YES1: variants seen among roughly 807,000 people sequenced by gnomAD.
YES1 encodes the protein tyrosine-protein kinase Yes.
Under a neutral mutation model 70.4 loss-of-function variants are expected in YES1, and 39 were observed. That is an observed-to-expected ratio of 0.55 (90% CI 0.43 to 0.72). YES1 has a LOEUF of 0.72. Among genes scored for constraint, YES1 ranks in the 30% least tolerant of loss-of-function variants. The pLI is 0.00. For synonymous variants in YES1, 198 were observed against 218.6 expected, an observed-to-expected ratio of 0.91 and a Z score of 0.83; for missense variants, 495 against 644.8, an observed-to-expected ratio of 0.77 and a Z score of 2.52.
intron 1 of YES1, among the ~76,000 whole-genome samples, chr18:786,605 T>C (rs779234636): frequency 2.0e-5 from 3 of 151,760 alleles, no homozygotes; most frequent in Non-Finnish European, 4.4e-5. Context: ...TAATACCATA[T>C]CAGTTCAGGG....
At chr18:797,367 C>T (rs1172306279) in intron 1 of YES1, among the ~76,000 whole-genome samples, 2 of 151,942 alleles carry the variant, frequency 1.3e-5, no homozygotes, top group African/African-American at 4.8e-5. Flanking sequence ...AGCTTTAAAC[C>T]TGCTAACATC....
At position 744,043 on chromosome 18, in the gene YES1, CTAAA is replaced by C. The variant is rs558231390; in HGVS notation, c.725-632_725-629del. Among the ~76,000 whole-genome samples the C allele has an allele frequency of 4.5e-3, 677 of 148,842 alleles. 5 individuals carry two copies. Among genetic ancestry groups the C allele is most frequent in the African/African-American group, 0.014 (575 of 40,810 alleles). Reference sequence around the variant, plus strand: ...TATAGTAGATATGTTAGTATATTTACTAAATACTTAGTATAACTTAAAATATATA... The same window carrying C: ...TATAGTAGATATGTTAGTATATTTACTACTTAGTATAACTTAAAATATATA... On this transcript the variant is annotated intron_variant, in intron 6 of 11. Coordinates refer to ENST00000314574, the MANE Select transcript of YES1 (RefSeq NM_005433.4).
At chr18:740,244 T>G (rs1418750389) in intron 8 of YES1, among the ~76,000 whole-genome samples, 1 of 152,212 alleles carries the variant, frequency 6.6e-6, no homozygotes, top group East Asian at 1.9e-4. Context: ...GCTCTCTCTC[T>G]GAAAACTACA....
intron 1 of YES1, among the ~76,000 whole-genome samples, chr18:800,067 T>G (rs541212215): frequency 2.6e-5 from 4 of 152,208 alleles, no homozygotes; most frequent in Non-Finnish European, 5.9e-5. Flanking sequence ...AGTTTCTCCA[T>G]CAGACTCAAG....
At chr18:775,646 A>C (rs897657872) in intron 1 of YES1, among the ~76,000 whole-genome samples, 3 of 152,038 alleles carry the variant, frequency 2.0e-5, no homozygotes, top group African/African-American at 7.3e-5. Flanking sequence ...AAAGTAAAAA[A>C]ATTGGCTGAA....
intron 10 of YES1, chr18:736,336 G>C (rs1326501996): frequency 8.4e-6 from 1 of 118,628 alleles, no homozygotes; most frequent in Non-Finnish European, 1.7e-5. Context: ...GTGGGGGGAA[G>C]GGGGGGTTTG....
intron 1 of YES1, among the ~76,000 whole-genome samples, chr18:787,070 T>C (rs1233568766): frequency 1.4e-5 from 2 of 142,220 alleles, no homozygotes; most frequent in African/African-American, 5.1e-5. Flanking sequence ...AAAACTGTGA[T>C]ACATACTGTC....
intron 1 of YES1, among the ~76,000 whole-genome samples, chr18:788,701 C>T (rs1906089738): frequency 6.6e-6 from 1 of 152,208 alleles, no homozygotes; most frequent in Admixed American, 6.5e-5. Context: ...GGATAGATCA[C>T]TTGAAGCCAG....
intron 1 of YES1, among the ~76,000 whole-genome samples, chr18:787,179 A>C (rs1444457107): frequency 7.7e-6 from 1 of 130,488 alleles, no homozygotes; most frequent in African/African-American, 2.9e-5. Context: ...AGCTCACTGC[A>C]ACCTCCACCT....
chr18:721,745 T>C lies in YES1; in HGVS notation c.*2679A>G, dbSNP rs1445462360. On this transcript the variant is annotated 3_prime_UTR_variant, in exon 12 of 12. Coordinates refer to ENST00000314574, the MANE Select transcript of YES1 (RefSeq NM_005433.4). The stretch of plus-strand genomic sequence containing the variant: ...TATGAATAGCAACTAAAACGATTAA[T>C]AGGTGCATTCAATGAGAACTTTTTA... 3 of 152,292 alleles carry C rather than the reference T, an allele frequency of 2.0e-5. No individual in the cohort carries two copies. The highest frequency in any genetic ancestry group is 4.4e-5 in the Non-Finnish European group (3 of 68,040). 9.4% of individuals were successfully genotyped at this position (152,292 alleles called of 1,614,324 possible).
rs77494401 is a variant in YES1, at chr18:779,325, G to C, written c.-8-22490C>G. Among the ~76,000 whole-genome samples, 12 of 151,500 alleles carry C rather than the reference G, an allele frequency of 7.9e-5. No homozygotes were observed. The East Asian group carries it at 2.1e-3, about 27-fold the overall frequency. ...AGGCTGAGGTGGGAGGACAGCTTGAGCCTGGGAGGTCAAGGCTGCGGTAAG... is the reference window on the plus strand; with the variant it reads ...AGGCTGAGGTGGGAGGACAGCTTGACCCTGGGAGGTCAAGGCTGCGGTAAG... On this transcript the variant is annotated intron_variant, in intron 1 of 11. Transcript: ENST00000314574.
intron 1 of YES1, among the ~76,000 whole-genome samples, chr18:805,117 A>G (rs1405414874): frequency 6.6e-6 from 1 of 152,152 alleles, no homozygotes; most frequent in Non-Finnish European, 1.5e-5. Context: ...ATCACTTAAC[A>G]TATATTCTGA....
chr18:765,294 CTG>C (rs1904845533), intron 1 of YES1, among the ~76,000 whole-genome samples: 1 of 92,242 alleles, frequency 1.1e-5, no homozygotes, highest in Non-Finnish European at 2.2e-5. Flanking sequence ...ATATATATAT[CTG>C]TAGCAATTTT....
chr18:751,000 C>T (rs1010613478), intron 3 of YES1, among the ~76,000 whole-genome samples: 4 of 152,078 alleles, frequency 2.6e-5, no homozygotes, highest in Non-Finnish European at 5.9e-5. Flanking sequence ...TTATCATTGT[C>T]GTTTTCCTTT....
intron 1 of YES1, chr18:775,195 T>C (rs1490581053): frequency 2.0e-5 from 3 of 152,160 alleles, no homozygotes; most frequent in African/African-American, 4.8e-5. Flanking sequence ...ACACCTAACA[T>C]AGTGGCTGGT....
intron 1 of YES1, among the ~76,000 whole-genome samples, chr18:802,020 T>C (rs1196476771): frequency 1.3e-5 from 2 of 152,230 alleles, no homozygotes; most frequent in African/African-American, 4.8e-5. Flanking sequence ...TCTTTTTCAG[T>C]TAATGAATAT....
At chr18:737,529 G>A (rs1253296365) in intron 9 of YES1, 2 of 152,262 alleles carry the variant, frequency 1.3e-5, no homozygotes, top group South Asian at 2.1e-4. Flanking sequence ...GTGGTTAGGA[G>A]AAGAGGTAAA....
At chr18:769,070 C>T (rs145406545) in intron 1 of YES1, among the ~76,000 whole-genome samples, 1 of 152,104 alleles carries the variant, frequency 6.6e-6, no homozygotes, top group Admixed American at 6.6e-5. Context: ...AGTATAGTGA[C>T]ATGTTTGTAG....
intron 1 of YES1, among the ~76,000 whole-genome samples, chr18:765,647 C>G (rs1259750912): frequency 6.6e-6 from 1 of 152,102 alleles, no homozygotes; most frequent in South Asian, 2.1e-4. Context: ...ACCCACCCAC[C>G]CTGGCCTCTC....
Sources: gnomAD v4.1 joint callset for allele counts (sites outside exome capture counted in the v4.1 genomes callset) on GRCh38, gnomAD v4.1.1 for gene constraint, MANE v1.5 for transcripts, NCBI Gene and HGNC (gene_info 2026-07-23, HGNC 2026-07-21) for gene names.